The following RORA variants were observed in gnomAD, a reference collection of about 807,000 sequenced individuals.
RORA encodes nuclear receptor ROR-alpha.
RORA carries 7 observed loss-of-function variants against 69.5 expected under a neutral mutation model. The ratio of observed to expected loss-of-function variants is 0.10; its 90% CI spans 0.06 to 0.19. The LOEUF is 0.19. RORA is among the 10% of genes least tolerant of loss of function. The pLI is 1.00. For missense variants in RORA, 457 were observed against 663.0 expected, an observed-to-expected ratio of 0.69 and a Z score of 3.41; for synonymous variants, 261 against 240.8, an observed-to-expected ratio of 1.08 and a Z score of -0.78.
intron 1 of RORA, among the ~76,000 whole-genome samples, chr15:61,196,197 G>T (rs1199191945): frequency 6.6e-6 from 1 of 152,182 alleles, no homozygotes; most frequent in Non-Finnish European, 1.5e-5. Flanking sequence ...ATCCAATATT[G>T]CAGGCAGTAA....
At chr15:60,952,682 C>T (rs920396531) in intron 1 of RORA, among the ~76,000 whole-genome samples, 2 of 151,916 alleles carry the variant, frequency 1.3e-5, no homozygotes, top group African/African-American at 4.8e-5. Flanking sequence ...GAGTGAACTC[C>T]CATTCATAAT....
At chr15:60,665,883 C>T (rs1179527886) in intron 2 of RORA, among the ~76,000 whole-genome samples, 2 of 152,108 alleles carry the variant, frequency 1.3e-5, no homozygotes, top group Non-Finnish European at 2.9e-5. Flanking sequence ...CCATGTTGGC[C>T]GGGCTGGTCT....
At chr15:60,680,606 C>T (rs971103999) in intron 1 of RORA, among the ~76,000 whole-genome samples, 3 of 152,022 alleles carry the variant, frequency 2.0e-5, no homozygotes, top group African/African-American at 7.3e-5. Context: ...CTCGGTCCCT[C>T]AGTTTTGTTT....
At chr15:60,770,439 A>T (rs749830646) in intron 1 of RORA, among the ~76,000 whole-genome samples, 1 of 152,168 alleles carries the variant, frequency 6.6e-6, no homozygotes, top group Admixed American at 6.6e-5. Context: ...CTTCCCAGGG[A>T]CAACTGCCTC....
At chr15:61,046,303 A>G (rs1348436003) in intron 1 of RORA, among the ~76,000 whole-genome samples, 1 of 152,198 alleles carries the variant, frequency 6.6e-6, no homozygotes, top group Non-Finnish European at 1.5e-5. Context: ...GTGCAAACTC[A>G]ACTTCCTTCA....
chr15:60,650,132 G>A (rs2070118717), intron 2 of RORA, among the ~76,000 whole-genome samples: 1 of 151,666 alleles, frequency 6.6e-6, no homozygotes, highest in Admixed American at 6.6e-5. Context: ...ACCAACTTCA[G>A]AATGTGAACA....
rs1030631975 is a variant in RORA, at chr15:60,905,379, C to A, written c.167-226693G>T. Among the ~76,000 whole-genome samples, 1 of 152,284 alleles carries A rather than the reference C, an allele frequency of 6.6e-6. No homozygotes were observed. Among genetic ancestry groups the A allele is most frequent in the Admixed American group, 6.5e-5 (1 of 15,296 alleles). ...AATTCTTAAGAAATGTCAAAGACAG[C>A]TCATTAGATCAACTTTTTTTTCTGT... is the stretch of plus-strand genomic sequence containing the variant. On this transcript the variant is annotated intron_variant, in intron 1 of 10. Transcript: ENST00000335670. The surrounding 1 kb of genome is among the most constrained non-coding windows in gnomAD (Gnocchi z 4.8).
intron 1 of RORA, among the ~76,000 whole-genome samples, chr15:61,164,566 T>C (rs1320007151): frequency 6.6e-6 from 1 of 152,216 alleles, no homozygotes; most frequent in Non-Finnish European, 1.5e-5. Flanking sequence ...ACAAGCCCTT[T>C]GTTCCTGTTG....
chr15:60,736,610 G>A (rs1206301867), intron 1 of RORA, among the ~76,000 whole-genome samples: 2 of 152,128 alleles, frequency 1.3e-5, no homozygotes, highest in South Asian at 2.1e-4. Flanking sequence ...GCATCTCTGA[G>A]GAAGTGTAAG....
At chr15:61,190,923 T>TA (rs1214539824) in intron 1 of RORA, among the ~76,000 whole-genome samples, 1 of 151,988 alleles carries the variant, frequency 6.6e-6, no homozygotes, top group Non-Finnish European at 1.5e-5. Flanking sequence ...TGGCTTTCCT[T>TA]AAAAACTAAA....
intron 1 of RORA, among the ~76,000 whole-genome samples, chr15:61,053,847 T>TAATATATATATATATATATATATATATA (rs1413041814): frequency 2.9e-4 from 1 of 3,414 alleles, no homozygotes; most frequent in Non-Finnish European, 6.5e-4. Context: ...TTAGACTTCA[T>TAATATATATATATATATATATATATATA]GATATATATA....
rs1297210101 is a variant in RORA at position 61,213,714 on chromosome 15, T to C, written c.166+15339A>G. 6.6e-6 allele frequency: 1 copy of C among 152,226 alleles called. No individual in the cohort carries two copies. The highest frequency in any genetic ancestry group is 2.4e-5 in the African/African-American group (1 of 41,460). The allele number at this position is 152,226 out of a possible 1,614,324, so 9.4% of individuals were successfully genotyped here. On this transcript the variant is annotated intron_variant, in intron 1 of 10. Transcript: ENST00000335670. This position sits in a 1 kb window ranked among gnomAD's most constrained non-coding sequence, Gnocchi z 4.1. Reference sequence around the variant, plus strand: ...TTCTCTATGTTATAGGTTTCCTAAGTATCTCTACTATAGCATGCTACATCT... The same window carrying C: ...TTCTCTATGTTATAGGTTTCCTAAGCATCTCTACTATAGCATGCTACATCT...
intron 2 of RORA, among the ~76,000 whole-genome samples, chr15:60,673,909 T>G (rs1254831808): frequency 1.3e-5 from 2 of 152,226 alleles, no homozygotes; most frequent in Admixed American, 6.5e-5. Context: ...GCCAACAAGC[T>G]TGCTGTCTGA....
At chr15:61,026,097 T>C (rs1006597381) in intron 1 of RORA, among the ~76,000 whole-genome samples, 1 of 152,238 alleles carries the variant, frequency 6.6e-6, no homozygotes, top group Admixed American at 6.5e-5. Context: ...TCTGATTACA[T>C]GCAAAATGGA....
intron 1 of RORA, among the ~76,000 whole-genome samples, chr15:61,092,280 A>C (rs1295743001): frequency 2.6e-5 from 4 of 152,208 alleles, no homozygotes; most frequent in Non-Finnish European, 4.4e-5. Flanking sequence ...AGTATGTTCA[A>C]AAAAATGTGA....
chr15:61,114,986 A>G (rs1054002013), intron 1 of RORA, among the ~76,000 whole-genome samples: 5 of 152,222 alleles, frequency 3.3e-5, no homozygotes, highest in Non-Finnish European at 5.9e-5. Context: ...TTTAAAAAAT[A>G]TTTCTAAATC....
intron 1 of RORA, among the ~76,000 whole-genome samples, chr15:60,741,398 G>A (rs917738596): frequency 3.3e-5 from 5 of 152,184 alleles, no homozygotes; most frequent in African/African-American, 9.7e-5. Context: ...GACTCAACAG[G>A]CCATGGGCTT....
intron 1 of RORA, among the ~76,000 whole-genome samples, chr15:61,040,909 A>G (rs944043402): frequency 6.6e-6 from 1 of 152,222 alleles, no homozygotes; most frequent in Non-Finnish European, 1.5e-5. Flanking sequence ...AACCAAAAGC[A>G]ACTATAGTAT....
At chr15:60,501,147 A>G in intron 8 of RORA, 78 bp from the exon 9 acceptor site, 3 of 723,726 alleles carry the variant, frequency 4.1e-6, no homozygotes, top group Non-Finnish European at 7.2e-6. Context: ...AGGTTTTCCT[A>G]AGGTTCTCCT....
Sources: allele counts gnomAD v4.1 joint callset (sites outside exome capture counted in the v4.1 genomes callset), GRCh38; gene constraint gnomAD v4.1.1; non-coding constraint Gnocchi (gnomAD v3.1); transcripts MANE v1.5; gene names NCBI Gene and HGNC (gene_info 2026-07-23, HGNC 2026-07-21).